The following PCDHA2 variants were observed in gnomAD, a reference collection of about 807,000 sequenced individuals.
PCDHA2 encodes protocadherin alpha-2.
Under a neutral mutation model 66.0 loss-of-function variants are expected in PCDHA2, and 58 were observed. The observed-to-expected ratio is 0.88, with a 90% CI of 0.71 to 1.09. PCDHA2 has a LOEUF of 1.09. PCDHA2 is among the 50% of genes least tolerant of loss of function. The pLI is 0.00. For missense variants in PCDHA2, 1,267 were observed against 1,242.3 expected, an observed-to-expected ratio of 1.02 and a Z score of -0.30; for synonymous variants, 634 against 554.0, an observed-to-expected ratio of 1.14 and a Z score of -2.03.
intron 1 of PCDHA2, chr5:140,823,668 C>A (rs2150128127): frequency 6.2e-7 from 1 of 1,614,060 alleles, no homozygotes; most frequent in Non-Finnish European, 8.5e-7. Context: ...GCGAGATCAG[C>A]ACAACACGCT....
At chr5:140,822,309 C>T (rs2150115372) in intron 1 of PCDHA2, 2 of 1,614,162 alleles carry the variant, frequency 1.2e-6, no homozygotes, top group East Asian at 2.2e-5. Context: ...AATATTTTGA[C>T]TTAGATGTTA....
chr5:140,809,561 T>C, intron 1 of PCDHA2: 2 of 1,608,678 alleles, frequency 1.2e-6, no homozygotes, highest in Non-Finnish European at 1.7e-6. Context: ...AACTGAGGAA[T>C]CCTTTGCAAA....
Position 140,794,904 on chromosome 5 carries a change from G to A in PCDHA2, c.-61G>A. 1 of 1,508,782 alleles carries A rather than the reference G, an allele frequency of 6.6e-7. No homozygotes were observed. Among genetic ancestry groups the A allele is most frequent in the South Asian group, 1.3e-5 (1 of 77,568 alleles). 93.5% of individuals were successfully genotyped at this position (1,508,782 alleles called of 1,614,324 possible). A position where few individuals can be genotyped will look rare whatever the true frequency, so the allele number is the denominator to read the frequency against. ...AGCAGCAGGACTTTAACAGAGACTA[G>A]AATATTTAAATTTTTGCAAAACATG... On this transcript the variant is annotated 5_prime_UTR_variant, in exon 1 of 4. Coordinates refer to ENST00000526136, the MANE Select transcript of PCDHA2 (RefSeq NM_018905.3).
intron 1 of PCDHA2, among the ~76,000 whole-genome samples, chr5:140,880,283 A>G (rs1308508886): frequency 3.3e-5 from 5 of 152,250 alleles, no homozygotes; most frequent in African/African-American, 9.6e-5. Flanking sequence ...AAGTTTGACT[A>G]TCTTCATAGT....
chr5:140,884,656 G>T (rs782439139), intron 1 of PCDHA2: 8 of 1,602,178 alleles, frequency 5.0e-6, no homozygotes, highest in Non-Finnish European at 6.8e-6. Flanking sequence ...CAGAATGCTT[G>T]AAAGAGGTAA....
chr5:140,822,949 G>C (rs782104734), intron 1 of PCDHA2: 6 of 1,614,230 alleles, frequency 3.7e-6, no homozygotes, highest in Non-Finnish European at 5.1e-6. Flanking sequence ...AATGCCCCAC[G>C]TTCCCTTCAA....
intron 1 of PCDHA2, among the ~76,000 whole-genome samples, chr5:140,919,693 T>C (rs1383014744): frequency 6.6e-6 from 1 of 152,234 alleles, no homozygotes; most frequent in Admixed American, 6.5e-5. Context: ...TTCAGATTTA[T>C]ATTAACTTAA....
At position 140,867,338 on chromosome 5, in the gene PCDHA2, A is replaced by C. The variant is rs535853406; in HGVS notation, c.2388+69986A>C. The stretch of plus-strand genomic sequence containing the variant: ...TGGTCTAATGTTATGTTTTGATTAG[A>C]GGCTACTATGATTGATTATTTTACA... On this transcript the variant is annotated intron_variant, in intron 1 of 3. Transcript: ENST00000526136. 3.3e-5 allele frequency: 5 copies of C among 152,270 alleles called. No individual in the cohort carries two copies. In the East Asian group the frequency reaches 5.8e-4, roughly 18 times the overall value. The allele number at this position is 152,270 out of a possible 1,614,324, so 9.4% of individuals were successfully genotyped here.
intron 1 of PCDHA2, chr5:140,829,411 C>A: frequency 6.2e-7 from 1 of 1,614,148 alleles, no homozygotes; most frequent in Non-Finnish European, 8.5e-7. Flanking sequence ...CCACCGCCAG[C>A]TTGTCTGTGG....
Position 140,883,352 on chromosome 5 carries a change from G to A in PCDHA2, c.2388+86000G>A, listed in dbSNP as rs1554177776. ...TTCTTTGTCACTCCCCATCAGAGAA[G>A]ACACTCAGCCTAGCGCCATTATTGC... is the stretch of plus-strand genomic sequence containing the variant. On this transcript the variant is annotated intron_variant, in intron 1 of 3. Coordinates refer to ENST00000526136, the MANE Select transcript of PCDHA2 (RefSeq NM_018905.3). The A allele has an allele frequency of 1.9e-6, 3 of 1,614,164 alleles. No homozygotes were observed. In the East Asian group the frequency reaches 6.7e-5, roughly 36 times the overall value.
rs1767209062 is a variant in PCDHA2, at chr5:140,822,146, A to G, written c.2388+24794A>G. The G allele has an allele frequency of 6.2e-7, 1 of 1,614,260 alleles. No individual in the cohort carries two copies. The highest frequency in any genetic ancestry group is 8.5e-7 in the Non-Finnish European group (1 of 1,180,048). On this transcript the variant is annotated intron_variant, in intron 1 of 3. Transcript: ENST00000526136. ...TTCCATGTGGAGGTGGCAGTGAAGG[A>G]CATCAATGACAATCCGCCCAGGTTC...
chr5:140,966,355 G>C (rs2095993623), intron 1 of PCDHA2: 1 of 400,198 alleles, frequency 2.5e-6, no homozygotes, highest in Non-Finnish European at 4.4e-6. Context: ...AGGAGATGGG[G>C]CTGGAGAGGC....
At chr5:140,829,831 G>C in intron 1 of PCDHA2, 1 of 1,613,918 alleles carries the variant, frequency 6.2e-7, no homozygotes. Flanking sequence ...TGAGCGAGCT[G>C]GTGCCGCGGT....
chr5:140,994,417 T>C (rs1401833924), intron 3 of PCDHA2, among the ~76,000 whole-genome samples: 1 of 152,078 alleles, frequency 6.6e-6, no homozygotes, highest in East Asian at 1.9e-4. Context: ...ATACTGGATA[T>C]TGAGGCCGGG....
intron 1 of PCDHA2, chr5:140,929,006 C>G: frequency 6.2e-7 from 1 of 1,614,050 alleles, no homozygotes; most frequent in Non-Finnish European, 8.5e-7. Context: ...TTCGTGTGTA[C>G]CAAGTTGCAC....
intron 1 of PCDHA2, among the ~76,000 whole-genome samples, chr5:140,931,932 T>C (rs1163129550): frequency 6.6e-6 from 1 of 151,986 alleles, no homozygotes; most frequent in South Asian, 2.1e-4. Context: ...ATGATTATAA[T>C]GTGTGTCTGA....
intron 1 of PCDHA2, chr5:140,857,896 T>G: frequency 6.3e-7 from 1 of 1,597,704 alleles, no homozygotes; most frequent in Admixed American, 1.7e-5. Flanking sequence ...CGGCGGTTGG[T>G]GCACGCATCC....
chr5:140,889,679 C>A (rs968181758), intron 1 of PCDHA2, among the ~76,000 whole-genome samples: 4 of 152,026 alleles, frequency 2.6e-5, no homozygotes, highest in Admixed American at 6.6e-5. Flanking sequence ...TTATTTTAAA[C>A]CTTTTAGTAT....
At chr5:140,907,590 C>A (rs924020141) in intron 1 of PCDHA2, among the ~76,000 whole-genome samples, 11 of 152,210 alleles carry the variant, frequency 7.2e-5, no homozygotes, top group Non-Finnish European at 1.6e-4. Flanking sequence ...TGGCTGATCA[C>A]CCTGAGGAAT....
Sources: gnomAD v4.1 joint callset for allele counts (sites outside exome capture counted in the v4.1 genomes callset) on GRCh38, gnomAD v4.1.1 for gene constraint, MANE v1.5 for transcripts, NCBI Gene and HGNC (gene_info 2026-07-23, HGNC 2026-07-21) for gene names.